Variants in CDH12 observed in about 807,000 individuals in gnomAD.
The protein encoded by CDH12 is cadherin 12, also known as cadherin-12.
Under a neutral mutation model 74.1 loss-of-function variants are expected in CDH12, and 41 were observed. That is an observed-to-expected ratio of 0.55 (90% CI 0.43 to 0.72). The LOEUF is 0.72. Ranked by LOEUF, CDH12 falls within the 30% of genes least tolerant of loss-of-function variation. The pLI is 0.00. For synonymous variants in CDH12, 399 were observed against 355.0 expected, an observed-to-expected ratio of 1.12 and a Z score of -1.39; for missense variants, 945 against 977.2, an observed-to-expected ratio of 0.97 and a Z score of 0.44.
At chr5:22,532,540 T>C (rs1055485263) in intron 1 of CDH12, among the ~76,000 whole-genome samples, 6 of 151,026 alleles carry the variant, frequency 4.0e-5, no homozygotes, top group African/African-American at 1.5e-4. Flanking sequence ...AATTACTTAT[T>C]TAAGATCTAA....
intron 2 of CDH12, among the ~76,000 whole-genome samples, chr5:22,440,261 T>C (rs1744570623): frequency 2.0e-5 from 3 of 152,038 alleles, no homozygotes; most frequent in Admixed American, 6.6e-5. Flanking sequence ...ATATAGAAAG[T>C]GGAAACATAT....
intron 3 of CDH12, among the ~76,000 whole-genome samples, chr5:22,311,888 C>T (rs1359359912): frequency 1.3e-5 from 2 of 151,940 alleles, no homozygotes; most frequent in Non-Finnish European, 2.9e-5. Flanking sequence ...ATTCTACATA[C>T]ATTTAAAGAA....
intron 2 of CDH12, among the ~76,000 whole-genome samples, chr5:22,415,916 A>G (rs887281387): frequency 6.6e-6 from 1 of 152,136 alleles, no homozygotes; most frequent in African/African-American, 2.4e-5. Flanking sequence ...AATAAAAAAA[A>G]AAATTGAACT....
intron 1 of CDH12, among the ~76,000 whole-genome samples, chr5:22,757,873 C>A (rs1292334250): frequency 6.6e-6 from 1 of 152,170 alleles, no homozygotes; most frequent in East Asian, 1.9e-4. Context: ...CCCATTCAAG[C>A]TACATAATTA....
intron 6 of CDH12, among the ~76,000 whole-genome samples, chr5:21,970,316 G>T (rs1356178617): frequency 2.0e-5 from 3 of 152,144 alleles, no homozygotes; most frequent in Non-Finnish European, 4.4e-5. Context: ...TAATTCACCT[G>T]TTCCTCTGCT....
Position 21,765,084 on chromosome 5 carries a change from G to T in CDH12, c.1409C>A (p.Thr470Asn). 6.3e-7 allele frequency: 1 copy of T among 1,589,580 alleles called. No individual in the cohort carries two copies. Among genetic ancestry groups the T allele is most frequent in the Admixed American group, 1.8e-5 (1 of 55,418 alleles). Residue 470 changes from threonine (T) to asparagine (N), a missense_variant, in exon 12 of 15, where the codon ACC (threonine) becomes AAC (asparagine). Physicochemically the swap from Thr to Asn is moderately conservative, Grantham distance 65. Around this residue, in one of 3 missense-constraint regions of CDH12, gnomAD observed 791 missense variants for 792.8 expected, o/e 1.00. Coordinates refer to ENST00000382254, the MANE Select transcript of CDH12 (RefSeq NM_004061.5). Reference protein sequence around the residue: ...IASKVSNPLLTSKVNILINVL... With the variant: ...IASKVSNPLLNSKVNILINVL... The stretch of plus-strand genomic sequence containing the variant: ...ATTAATCAGTATATTGACTTTGCTG[G>T]TCAATAAAGGGTTACCTGTTAAAAA...
At chr5:22,153,081 A>G (rs1381995020) in intron 4 of CDH12, among the ~76,000 whole-genome samples, 1 of 152,044 alleles carries the variant, frequency 6.6e-6, no homozygotes, top group East Asian at 1.9e-4. Context: ...TGGAGCACAG[A>G]TATTTTTACA....
At chr5:21,815,001 A>T (rs568905113) in intron 9 of CDH12, among the ~76,000 whole-genome samples, 1 of 152,252 alleles carries the variant, frequency 6.6e-6, no homozygotes, top group Non-Finnish European at 1.5e-5. Context: ...TTGCAAATTT[A>T]ACATAAATGC....
intron 4 of CDH12, among the ~76,000 whole-genome samples, chr5:22,188,318 C>T (rs1750082773): frequency 6.6e-6 from 1 of 151,746 alleles, no homozygotes; most frequent in Non-Finnish European, 1.5e-5. Flanking sequence ...TGGCCTTCAC[C>T]ATGTTGTGAC....
chr5:22,809,162 G>A (rs1167269202), intron 1 of CDH12, among the ~76,000 whole-genome samples: 3 of 151,356 alleles, frequency 2.0e-5, no homozygotes, highest in African/African-American at 7.3e-5. Flanking sequence ...AGACTGAGGT[G>A]ACTAATTTTG....
chr5:22,667,028 T>A (rs556255328), intron 1 of CDH12, among the ~76,000 whole-genome samples: 1 of 152,354 alleles, frequency 6.6e-6, no homozygotes, highest in African/African-American at 2.4e-5. Flanking sequence ...GCCCCTCCTC[T>A]ATTCCTATAT....
At chr5:22,491,554 G>T (rs540802444) in intron 2 of CDH12, among the ~76,000 whole-genome samples, 19 of 123,456 alleles carry the variant, frequency 1.5e-4, no homozygotes, top group African/African-American at 4.6e-4. Flanking sequence ...CACACTGGAA[G>T]AAGAATTGAC....
intron 3 of CDH12, among the ~76,000 whole-genome samples, chr5:22,353,302 C>T (rs1276145828): frequency 6.6e-6 from 1 of 152,134 alleles, no homozygotes; most frequent in East Asian, 1.9e-4. Context: ...TACATAATTA[C>T]AGAGAATGAC....
At chr5:22,594,745 A>G (rs1395431294) in intron 1 of CDH12, among the ~76,000 whole-genome samples, 1 of 152,142 alleles carries the variant, frequency 6.6e-6, no homozygotes, top group Non-Finnish European at 1.5e-5. Context: ...CTTTATGGGG[A>G]CGAAATGATT....
intron 3 of CDH12, among the ~76,000 whole-genome samples, chr5:22,327,584 A>G (rs1055603320): frequency 5.3e-5 from 8 of 152,146 alleles, no homozygotes; most frequent in African/African-American, 1.9e-4. Flanking sequence ...TCCACGTAAA[A>G]TAATTTATTC....
At chr5:22,777,921 C>A (rs946309985) in intron 1 of CDH12, among the ~76,000 whole-genome samples, 2 of 152,040 alleles carry the variant, frequency 1.3e-5, no homozygotes, top group Non-Finnish European at 2.9e-5. Flanking sequence ...TCAAGCAATT[C>A]TCCTCCCCCA....
At chr5:21,776,740 C>A (rs991120412) in intron 11 of CDH12, among the ~76,000 whole-genome samples, 3 of 152,154 alleles carry the variant, frequency 2.0e-5, no homozygotes, top group African/African-American at 7.2e-5. Context: ...TATTCCTTCC[C>A]ACACCCTGCC....
At chr5:21,770,934 A>G (rs1023250104) in intron 11 of CDH12, among the ~76,000 whole-genome samples, 1 of 152,184 alleles carries the variant, frequency 6.6e-6, no homozygotes, top group Non-Finnish European at 1.5e-5. Context: ...GCTGGAGGCC[A>G]TTATCCTAAG....
At chr5:22,501,746 TAAA>T (rs11379349) in intron 2 of CDH12, among the ~76,000 whole-genome samples, 1 of 143,730 alleles carries the variant, frequency 7.0e-6, no homozygotes, top group African/African-American at 2.5e-5. Flanking sequence ...CAAAGTATAT[TAAA>T]AAAAAAAAAA....
Sources: gnomAD v4.1 joint callset for allele counts (sites outside exome capture counted in the v4.1 genomes callset) on GRCh38, gnomAD v4.1.1 for gene constraint, gnomAD v4.1.1 regional missense constraint, MANE v1.5 for transcripts, NCBI Gene and HGNC (gene_info 2026-07-23, HGNC 2026-07-21) for gene names.